The following ZBTB25 variants were observed in gnomAD, a reference collection of about 807,000 sequenced individuals.
ZBTB25 encodes the protein zinc finger and BTB domain-containing protein 25.
ZBTB25 carries 20 observed loss-of-function variants against 34.2 expected under a neutral mutation model. That is an observed-to-expected ratio of 0.58 (90% CI 0.41 to 0.85). The LOEUF is 0.85. ZBTB25 is among the 40% of genes least tolerant of loss of function. The pLI, the probability that ZBTB25 is intolerant of heterozygous loss-of-function variation, is 0.00. For missense variants in ZBTB25, 437 were observed against 521.8 expected (o/e 0.84, Z 1.58); for synonymous variants, 175 against 186.4 (o/e 0.94, Z 0.50).
At chr14:64,467,889 A>G (rs1393420678) in intron 2 of ZBTB25, 2 of 152,328 alleles carry the variant, frequency 1.3e-5, no homozygotes, top group Non-Finnish European at 2.9e-5. Context: ...TAAAGAACTG[A>G]TAATATCAGA....
At position 64,492,228 on chromosome 14, in the gene ZBTB25, C is replaced by T. The variant is rs369771404; in HGVS notation, c.-7-1688G>A. ...TTATTATTATTATTATTATTTGAGA[C>T]GGAGTTTTGCTCTTGTTGACCAGGC... On this transcript the variant is annotated intron_variant, in intron 1 of 2. Transcript: ENST00000608382. Among the ~76,000 whole-genome samples, 1,129 of 143,126 alleles carry T rather than the reference C, an allele frequency of 7.9e-3. 7 individuals are homozygous for T. The highest frequency in any genetic ancestry group is 0.027 in the African/African-American group (1,090 of 39,650). The allele number at this position is 143,126 out of a possible 152,430, so 93.9% of individuals were successfully genotyped here.
rs560251634 is a variant in ZBTB25, at chr14:64,502,994, GCTAA to G, written c.-8+663_-8+666del. 1.7e-4 allele frequency: 169 copies of G among 985,448 alleles called. No homozygotes were observed. In the African/African-American group the frequency reaches 2.7e-3, roughly 16 times the overall value. The allele number at this position is 985,448 out of a possible 1,614,324, so 61.0% of individuals were successfully genotyped here. On this transcript the variant is annotated intron_variant, in intron 1 of 2. Coordinates refer to ENST00000608382, the MANE Select transcript of ZBTB25 (RefSeq NM_006977.5). ...TTTAATCCCTTGGGGTGATGCGGGC[GCTAA>G]CTGTTGAAACATGCTAGGTGCCGTC...
intron 2 of ZBTB25, chr14:64,469,750 T>C (rs1194641194): frequency 8.9e-7 from 1 of 1,123,974 alleles, no homozygotes; most frequent in East Asian, 2.4e-5. Context: ...TGGCATTTCT[T>C]ACTCAGTAAC....
chr14:64,455,094 G>C, intron 2 of ZBTB25: 1 of 564,762 alleles, frequency 1.8e-6, no homozygotes. Context: ...ATGATGCCAG[G>C]ACTACTCATA....
At position 64,464,943 on chromosome 14, in the gene ZBTB25, C is replaced by T. The variant is rs184497029; in HGVS notation, c.174-15305G>A. On this transcript the variant is annotated intron_variant, in intron 2 of 2. Coordinates refer to the ZBTB25 transcript ENST00000555220. ...GACAAAGGTTTGAAAGCCTGTTTGGCGATGAACCACGATGATCTGACACTC... is the reference window on the plus strand; with the variant it reads ...GACAAAGGTTTGAAAGCCTGTTTGGTGATGAACCACGATGATCTGACACTC... Among the ~76,000 whole-genome samples, 195 of 152,286 alleles carry T rather than the reference C, an allele frequency of 1.3e-3. 3 individuals are homozygous for T. The highest frequency in any genetic ancestry group is 2.5e-3 in the Admixed American group (39 of 15,312).
rs1374461077 is a variant in ZBTB25 at position 64,482,056 on chromosome 14, T to C, written c.*4867A>G. On this transcript the variant is annotated 3_prime_UTR_variant, in exon 3 of 3. Transcript: ENST00000608382. ...TCACACTATCTTTTTCCACGATTAATATGTATTTCCTTCAATTTTCAGTGA... is the reference window on the plus strand; with the variant it reads ...TCACACTATCTTTTTCCACGATTAACATGTATTTCCTTCAATTTTCAGTGA... The C allele has an allele frequency of 1.3e-5, 2 of 152,226 alleles. No homozygotes were observed. Among genetic ancestry groups the C allele is most frequent in the Non-Finnish European group, 2.9e-5 (2 of 68,040 alleles). The allele number at this position is 152,226 out of a possible 1,614,324, so 9.4% of individuals were successfully genotyped here.
chr14:64,466,584 A>G (rs1018134036), intron 2 of ZBTB25, among the ~76,000 whole-genome samples: 2 of 152,240 alleles, frequency 1.3e-5, no homozygotes, highest in African/African-American at 4.8e-5. Context: ...TCAAATGTTC[A>G]TATTTTAGTT....
exon 3 of ZBTB25, chr14:64,449,458 T>C: frequency 1.2e-6 from 2 of 1,613,490 alleles, no homozygotes; most frequent in Non-Finnish European, 8.5e-7. Context: ...GGATACAGAG[T>C]CTGAGCTGGA....
At chr14:64,493,062 T>C (rs747491958) in intron 1 of ZBTB25, among the ~76,000 whole-genome samples, 8 of 152,072 alleles carry the variant, frequency 5.3e-5, no homozygotes. Context: ...TATGAATAGT[T>C]AGATAACAGA....
intron 2 of ZBTB25, among the ~76,000 whole-genome samples, chr14:64,450,868 T>C (rs1045007109): frequency 1.3e-5 from 2 of 152,104 alleles, no homozygotes; most frequent in African/African-American, 4.8e-5. Flanking sequence ...CTACCAAGCC[T>C]GGCTAATTTG....
intron 1 of ZBTB25, among the ~76,000 whole-genome samples, chr14:64,491,845 G>A (rs917289237): frequency 5.3e-5 from 8 of 152,166 alleles, no homozygotes; most frequent in African/African-American, 1.9e-4. Flanking sequence ...GGTCTAAGGA[G>A]GTCAGTGATG....
intron 2 of ZBTB25, chr14:64,472,724 T>C (rs945669524): frequency 6.6e-5 from 11 of 166,920 alleles, no homozygotes; most frequent in African/African-American, 2.4e-4. Flanking sequence ...GTGATTCAAA[T>C]TGTTTTATTG....
intron 2 of ZBTB25, chr14:64,469,789 T>G: frequency 1.2e-6 from 1 of 807,408 alleles, no homozygotes; most frequent in Non-Finnish European, 1.9e-6. Flanking sequence ...CTCTAGAACT[T>G]AAAAGGTACA....
chr14:64,455,786 GGCCTTGGGCAAATT>G (rs1353613272), intron 2 of ZBTB25, among the ~76,000 whole-genome samples: 1 of 152,190 alleles, frequency 6.6e-6, no homozygotes, highest in African/African-American at 2.4e-5. Flanking sequence ...TTCAGATCTT[GGCCTTGGGCAAATT>G]ATGAAAGGTG....
chr14:64,449,780 G>T, intron 2 of ZBTB25: 1 of 821,734 alleles, frequency 1.2e-6, no homozygotes, highest in South Asian at 1.5e-5. Context: ...TGGACTCCCA[G>T]CTGTAGACAG....
At chr14:64,457,908 C>T (rs1028486026) in intron 2 of ZBTB25, 12 of 445,494 alleles carry the variant, frequency 2.7e-5, no homozygotes, top group African/African-American at 5.9e-5. Context: ...GATGACTTTA[C>T]GTTTATTTTA....
chr14:64,461,634 T>G (rs1420429463), intron 2 of ZBTB25: 1 of 149,800 alleles, frequency 6.7e-6, no homozygotes, highest in Non-Finnish European at 1.5e-5. Context: ...CGTGCTCTTT[T>G]GCCCAGGCTG....
chr14:64,477,415 T>C (rs1321649168), downstream of ZBTB25, among the ~76,000 whole-genome samples: 1 of 152,218 alleles, frequency 6.6e-6, no homozygotes, highest in Non-Finnish European at 1.5e-5. Context: ...CCTTTATATG[T>C]CTTTCCTCAT....
Position 64,486,770 on chromosome 14 carries a change from T to C in ZBTB25, c.*153A>G. ...AATAGCCACATATTAATATGTCTTA[T>C]GAGAAGATCTAATATATACAACCTT... On this transcript the variant is annotated 3_prime_UTR_variant, in exon 3 of 3. Coordinates refer to ENST00000608382, the MANE Select transcript of ZBTB25 (RefSeq NM_006977.5). 7.4e-7 allele frequency: 1 copy of C among 1,359,538 alleles called. No individual in the cohort carries two copies. Among genetic ancestry groups the C allele is most frequent in the Non-Finnish European group, 9.5e-7 (1 of 1,058,058 alleles). 84.2% of individuals were successfully genotyped at this position (1,359,538 alleles called of 1,614,324 possible). A position where few individuals can be genotyped will look rare whatever the true frequency, so the allele number is the denominator to read the frequency against.
Sources: allele counts gnomAD v4.1 joint callset (sites outside exome capture counted in the v4.1 genomes callset), GRCh38; gene constraint gnomAD v4.1.1; transcripts MANE v1.5; gene names NCBI Gene and HGNC (gene_info 2026-07-23, HGNC 2026-07-21).